The following KCNC4 variants were observed in gnomAD, a reference collection of about 807,000 sequenced individuals.
KCNC4 encodes the protein potassium voltage-gated channel subfamily C member 4.
A neutral mutation model predicts 42.8 loss-of-function variants in KCNC4; 23 were observed. That is an observed-to-expected ratio of 0.54 (90% CI 0.39 to 0.76). KCNC4 has a LOEUF of 0.76. Among genes scored for constraint, KCNC4 ranks in the 30% least tolerant of loss-of-function variants. KCNC4 has a pLI of 0.00. For missense variants in KCNC4, 751 were observed against 898.2 expected (o/e 0.84, Z 2.10); for synonymous variants, 422 against 393.5 (o/e 1.07, Z -0.86).
In KCNC4 at chr1:110,233,133, C is replaced by G; in HGVS notation, c.*161C>G. 1.3e-6 allele frequency: 1 copy of G among 771,880 alleles called. No individual in the cohort carries two copies. The highest frequency in any genetic ancestry group is 2.1e-6 in the Non-Finnish European group (1 of 477,488). The allele number at this position is 771,880 out of a possible 1,614,324, so 47.8% of individuals were successfully genotyped here. A position where few individuals can be genotyped will look rare whatever the true frequency, so the allele number is the denominator to read the frequency against. ...CCCATGCGACCCTCGGGGCCCAGAG[C>G]CATCTGGGTCTGATGTTCTGTTCCA... On this transcript the variant is annotated 3_prime_UTR_variant, in exon 4 of 4. Transcript: ENST00000438661.
intron 1 of KCNC4, among the ~76,000 whole-genome samples, chr1:110,260,935 A>C (rs1289461485): frequency 6.6e-6 from 1 of 152,256 alleles, no homozygotes; most frequent in Non-Finnish European, 1.5e-5. Context: ...GTCTCAAAAA[A>C]ATAAATAAAT....
intron 1 of KCNC4, among the ~76,000 whole-genome samples, chr1:110,270,098 C>A (rs1659612253): frequency 6.6e-6 from 1 of 152,218 alleles, no homozygotes; most frequent in African/African-American, 2.4e-5. Context: ...GACAGAGCTA[C>A]TGATGCTCCA....
exon 4 of KCNC4, chr1:110,244,396 A>C (rs199673269): frequency 2.0e-4 from 24 of 118,492 alleles, no homozygotes; most frequent in Non-Finnish European, 5.5e-5. Context: ...AATAAATAAC[A>C]AAACCCAGTT....
In KCNC4 at chr1:110,223,767, G is replaced by A. The variant is rs760839541; in HGVS notation, c.1482G>A (p.Lys494=). The change falls in exon 2 of 4, where the codon AAG becomes AAA. Residue 494 remains lysine (K), a synonymous_variant. Transcript: ENST00000438661. This position sits in a 1 kb window ranked among gnomAD's most constrained non-coding sequence, Gnocchi z 7.5. ...AKQKLPKKRK[K]HVPRPAQLES... is the part of the protein sequence containing the mutation. ...AGAAGCTGCCCAAGAAACGGAAGAA[G>A]CACGTGCCACGGCCGGCGCAGCTGG... 3.7e-6 allele frequency: 6 copies of A among 1,614,086 alleles called. No homozygotes were observed. The highest frequency in any genetic ancestry group is 1.7e-5 in the Admixed American group (1 of 60,002).
intron 1 of KCNC4, among the ~76,000 whole-genome samples, chr1:110,265,083 GAA>G (rs34254003): frequency 6.2e-4 from 70 of 113,374 alleles, no homozygotes; most frequent in Middle Eastern, 4.7e-3. Flanking sequence ...CTCTGTCTCA[GAA>G]AAAAAAAAAA....
rs1028210045 is a variant in KCNC4, at chr1:110,259,528, T to C, written n.31-23006T>C. Among the ~76,000 whole-genome samples the C allele has an allele frequency of 1.1e-4, 16 of 152,212 alleles. 1 individual carries two copies. Among genetic ancestry groups the C allele is most frequent in the African/African-American group, 3.6e-4 (15 of 41,456 alleles). ...TTGCAGATGTTCACAGTGCTGGACC[T>C]TGAAATGTAGGTTCAGGGCTCTGGG... On this transcript the variant is annotated intron_variant and non_coding_transcript_variant, in intron 1 of 2. Coordinates refer to the KCNC4 transcript ENST00000412512.
At chr1:110,252,049 TG>T (rs1659258701), downstream of KCNC4, among the ~76,000 whole-genome samples, 1 of 152,114 alleles carries the variant, frequency 6.6e-6, no homozygotes, top group Admixed American at 6.5e-5. Context: ...GAGCAAGGGG[TG>T]GGGCAGGCTC....
intron 1 of KCNC4, among the ~76,000 whole-genome samples, chr1:110,265,427 C>A (rs1659525403): frequency 6.7e-6 from 1 of 149,750 alleles, no homozygotes; most frequent in African/African-American, 2.5e-5. Flanking sequence ...TAAAATATTC[C>A]CCACCCAGAG....
chr1:110,248,497 A>C (rs1486658662), exon 4 of KCNC4: 6 of 151,672 alleles, frequency 4.0e-5, no homozygotes, highest in South Asian at 2.1e-4. Context: ...TGTATCCAGT[A>C]GGAAAAATAA....
At position 110,212,108 on chromosome 1, in the gene KCNC4, G is replaced by A. The variant is rs886896697; in HGVS notation, c.609G>A (p.Gly203=). ...GCGCGGGCCATGGCGCCGGGTCTGG[G>A]GGCTGCCGCGGCTGGCAGCCCCGCA... is the stretch of plus-strand genomic sequence containing the variant. ...EGGAGHGAGS[G]GCRGWQPRMW... is the part of the protein sequence containing the mutation. The change falls in exon 1 of 4, where the codon GGG becomes GGA. Residue 203 remains glycine (G), a synonymous_variant. Coordinates refer to ENST00000438661, the MANE Select transcript of KCNC4 (RefSeq NM_001039574.3). The A allele has an allele frequency of 2.0e-6, 3 of 1,505,214 alleles. No individual in the cohort carries two copies. In the African/African-American group the frequency reaches 4.4e-5, roughly 22 times the overall value. The allele number at this position is 1,505,214 out of a possible 1,614,324, so 93.2% of individuals were successfully genotyped here.
At chr1:110,266,722 G>C (rs930391928) in intron 1 of KCNC4, among the ~76,000 whole-genome samples, 6 of 152,160 alleles carry the variant, frequency 3.9e-5, no homozygotes, top group Non-Finnish European at 7.4e-5. Context: ...TCTTGATCCA[G>C]ATTGGCCCCC....
At chr1:110,267,788 T>C (rs1010410086) in intron 1 of KCNC4, among the ~76,000 whole-genome samples, 2 of 152,186 alleles carry the variant, frequency 1.3e-5, no homozygotes, top group East Asian at 1.9e-4. Flanking sequence ...ACAGGCTAAA[T>C]TGGTTTTTTG....
At chr1:110,269,735 G>A (rs1157101596) in intron 1 of KCNC4, among the ~76,000 whole-genome samples, 1 of 151,984 alleles carries the variant, frequency 6.6e-6, no homozygotes, top group African/African-American at 2.4e-5. Context: ...TCAGGCAAGA[G>A]GATATATTTA....
chr1:110,227,559 C>T (rs1056043507), intron 3 of KCNC4, among the ~76,000 whole-genome samples: 6 of 152,350 alleles, frequency 3.9e-5, no homozygotes, highest in Admixed American at 2.6e-4. Context: ...TGTTCACCCC[C>T]GTGTCCTATC....
At position 110,233,159 on chromosome 1, in the gene KCNC4, T is replaced by C. The variant is rs966910776; in HGVS notation, c.*187T>C. 4 of 647,916 alleles carry C rather than the reference T, an allele frequency of 6.2e-6. No homozygotes were observed. Among genetic ancestry groups the C allele is most frequent in the African/African-American group, 5.5e-5 (3 of 54,820 alleles). The allele number at this position is 647,916 out of a possible 1,614,324, so 40.1% of individuals were successfully genotyped here. On this transcript the variant is annotated 3_prime_UTR_variant, in exon 4 of 4. Transcript: ENST00000438661. ...CATCTGGGTCTGATGTTCTGTTCCATTGTACATCGAAGAGATATATATGCA... is the reference window on the plus strand; with the variant it reads ...CATCTGGGTCTGATGTTCTGTTCCACTGTACATCGAAGAGATATATATGCA...
chr1:110,254,029 A>G (rs922981271), downstream of KCNC4, among the ~76,000 whole-genome samples: 7 of 149,816 alleles, frequency 4.7e-5, no homozygotes, highest in Admixed American at 4.0e-4. Flanking sequence ...CAGGAAGGGG[A>G]AGGAAAACCC....
chr1:110,215,790 A>C (rs78602409), intron 1 of KCNC4, among the ~76,000 whole-genome samples: 3,048 of 152,274 alleles, frequency 0.02, 111 homozygotes, highest in African/African-American at 0.069. Context: ...ACAGATAAGG[A>C]AACAGGCCTG....
At chr1:110,253,731 G>A (rs773132393), downstream of KCNC4, among the ~76,000 whole-genome samples, 4 of 152,200 alleles carry the variant, frequency 2.6e-5, no homozygotes, top group Non-Finnish European at 5.9e-5. Flanking sequence ...CTTCCACAGA[G>A]CCATGAGAAG....
At chr1:110,276,107 G>A (rs1160643908) in intron 1 of KCNC4, among the ~76,000 whole-genome samples, 1 of 151,970 alleles carries the variant, frequency 6.6e-6, no homozygotes, top group Non-Finnish European at 1.5e-5. Context: ...TGTACAGCTG[G>A]ACACAGAGTG....
Sources: gnomAD v4.1 joint callset for allele counts (sites outside exome capture counted in the v4.1 genomes callset) on GRCh38, gnomAD v4.1.1 for gene constraint, Gnocchi (gnomAD v3.1) non-coding constraint, MANE v1.5 for transcripts, NCBI Gene and HGNC (gene_info 2026-07-23, HGNC 2026-07-21) for gene names.